TTC39A: variants seen among roughly 807,000 people sequenced by gnomAD.
The protein encoded by TTC39A is tetratricopeptide repeat protein 39A.
A neutral mutation model predicts 82.3 loss-of-function variants in TTC39A; 46 were observed. The observed-to-expected ratio is 0.56, with a 90% CI of 0.44 to 0.71. TTC39A has a LOEUF of 0.71. TTC39A is among the 30% of genes least tolerant of loss of function. TTC39A has a pLI of 0.00. For synonymous variants in TTC39A, 254 were observed against 275.2 expected (o/e 0.92, Z 0.76); for missense variants, 543 against 712.9 (o/e 0.76, Z 2.71).
At chr1:51,306,192 G>T in intron 6 of TTC39A, 116 bp from the exon 7 acceptor site, 2 of 759,694 alleles carry the variant, frequency 2.6e-6, no homozygotes, top group African/African-American at 1.7e-5. Flanking sequence ...ATACAGTTCT[G>T]GTAATCCTGA....
Position 51,294,345 on chromosome 1 carries a change from C to T in TTC39A, c.1266+46G>A, listed in dbSNP as rs745308090. On this transcript the variant is annotated intron_variant, in intron 14 of 17. Transcript: ENST00000680483. This position sits in a 1 kb window ranked among gnomAD's most constrained non-coding sequence, Gnocchi z 4.3. ...GGCTGTGGCTCTCAGTGAATCCCCA[C>T]AATCCTATACCCGGAGGGCAGCGCC... The T allele has an allele frequency of 6.2e-7, 1 of 1,612,292 alleles. No homozygotes were observed. Among genetic ancestry groups the T allele is most frequent in the East Asian group, 2.2e-5 (1 of 44,844 alleles).
chr1:51,339,387 C>A (rs576523756), intron 1 of TTC39A, among the ~76,000 whole-genome samples: 2 of 152,248 alleles, frequency 1.3e-5, no homozygotes, highest in African/African-American at 4.8e-5. Context: ...CTGCTGATCA[C>A]CTGGGAAAGA....
chr1:51,341,320 A>G (rs1336773022), intron 1 of TTC39A, among the ~76,000 whole-genome samples: 1 of 152,092 alleles, frequency 6.6e-6, no homozygotes, highest in Non-Finnish European at 1.5e-5. Flanking sequence ...TGAGTGGAGA[A>G]GCAGGTGAGC....
At chr1:51,324,100 G>A (rs1317683405) in intron 1 of TTC39A, among the ~76,000 whole-genome samples, 2 of 152,166 alleles carry the variant, frequency 1.3e-5, no homozygotes, top group Non-Finnish European at 2.9e-5. Context: ...GACCACAAAG[G>A]TAGTGGTGTG....
rs144609460 is a variant in TTC39A, at chr1:51,319,423, G to A, written c.146+2298C>T. On this transcript the variant is annotated intron_variant, in intron 2 of 17. Coordinates refer to ENST00000680483, the MANE Select transcript of TTC39A (RefSeq NM_001297663.2). ...AAAGCCCAGGAAAGGGAAACAAGACGGAACCATCGTACAAGAGCACTTCCC... is the reference window on the plus strand; with the variant it reads ...AAAGCCCAGGAAAGGGAAACAAGACAGAACCATCGTACAAGAGCACTTCCC... Among the ~76,000 whole-genome samples, 137 of 152,206 alleles carry A rather than the reference G, an allele frequency of 9.0e-4. 2 individuals are homozygous for A. The highest frequency in any genetic ancestry group is 3.1e-3 in the African/African-American group (127 of 41,562).
chr1:51,333,321 A>C (rs1456825219), upstream of TTC39A, among the ~76,000 whole-genome samples: 1 of 152,174 alleles, frequency 6.6e-6, no homozygotes, highest in Non-Finnish European at 1.5e-5. Context: ...CATCCCCAAG[A>C]TAATTCATTA....
At position 51,288,075 on chromosome 1, in the gene TTC39A, C is replaced by G. The variant is rs1644054169; in HGVS notation, c.*82G>C. On this transcript the variant is annotated 3_prime_UTR_variant, in exon 18 of 18. Transcript: ENST00000680483. This position sits in a 1 kb window ranked among gnomAD's most constrained non-coding sequence, Gnocchi z 4.8. ...GGTGGACCCCAAAGGCAGGGCAGGG[C>G]AGGGGGAGGGGGTATTTTGAAATGT... 6.4e-7 allele frequency: 1 copy of G among 1,561,376 alleles called. No individual in the cohort carries two copies. The highest frequency in any genetic ancestry group is 1.3e-5 in the African/African-American group (1 of 74,074).
At position 51,312,139 on chromosome 1, in the gene TTC39A, G is replaced by A. The variant is rs371247813; in HGVS notation, c.335C>T (p.Thr112Met). ...CACACCTTCAGTGAATTGGCCCAGC[G>A]TGGGGCGGTTCACCAGGCTGCTGAA... ...DSFSSLVNRP[T>M]LGQFTEEEIH... The change falls in exon 4 of 18, where the codon ACG becomes ATG. Residue 112 changes from threonine to methionine, a missense_variant. Transcript: ENST00000680483. The A allele has an allele frequency of 1.7e-5, 28 of 1,611,564 alleles. No homozygotes were observed. Among genetic ancestry groups the A allele is most frequent in the African/African-American group, 2.7e-5 (2 of 74,910 alleles).
Position 51,303,144 on chromosome 1 carries a change from G to C in TTC39A, c.703C>G (p.Arg235Gly), listed in dbSNP as rs1477925982. 6.3e-7 allele frequency: 1 copy of C among 1,587,940 alleles called. No homozygotes were observed. The highest frequency in any genetic ancestry group is 1.2e-5 in the South Asian group (1 of 86,740). ...LEEGASGHSFRSVLCVMLLLC... is the reference protein window; with the variant it reads ...LEEGASGHSFGSVLCVMLLLC... ...AGGAGCATGACACAGAGCACAGAGC[G>C]GAAGCTGTGCCCTGACGCTCCCTCC... The change falls in exon 9 of 18, where the codon CGC becomes GGC. Residue 235 changes from arginine to glycine, a missense_variant. Physicochemically the swap from Arg to Gly is moderately radical, Grantham distance 125. Transcript: ENST00000680483.
chr1:51,290,884 A>T (rs1158035189), intron 14 of TTC39A, among the ~76,000 whole-genome samples: 1 of 152,188 alleles, frequency 6.6e-6, no homozygotes, highest in Non-Finnish European at 1.5e-5. Context: ...TGCTGCTCAT[A>T]GCTGCCCAAG....
intron 2 of TTC39A, among the ~76,000 whole-genome samples, chr1:51,320,362 A>G (rs1247962592): frequency 1.3e-5 from 2 of 152,030 alleles, no homozygotes; most frequent in African/African-American, 2.4e-5. Flanking sequence ...AAGGTATAGT[A>G]AGGTAAATAC....
intron 5 of TTC39A, chr1:51,309,567 A>G (rs1645007194): frequency 1.2e-6 from 1 of 813,242 alleles, no homozygotes; most frequent in South Asian, 3.0e-5. Context: ...TGGAGGGGCC[A>G]CGCCCAGTGA....
In TTC39A at chr1:51,294,808, C is replaced by G. The variant is rs146860013; in HGVS notation, c.1146-297G>C. ...TGGGCCGGCCCTGCCTCCTAGTTAT[C>G]GCCTCCACTCCCAGGCTCCATTTCT... On this transcript the variant is annotated intron_variant, in intron 13 of 17. Transcript: ENST00000680483. This position sits in a 1 kb window ranked among gnomAD's most constrained non-coding sequence, Gnocchi z 4.3. Among the ~76,000 whole-genome samples the G allele has an allele frequency of 6.6e-6, 1 of 152,182 alleles. No homozygotes were observed. The highest frequency in any genetic ancestry group is 6.5e-5 in the Admixed American group (1 of 15,294).
rs1348112163 is a variant in TTC39A at position 51,288,118 on chromosome 1, A to G, written c.*39T>C. The G allele has an allele frequency of 1.9e-6, 3 of 1,612,974 alleles. No individual in the cohort carries two copies. The highest frequency in any genetic ancestry group is 2.2e-5 in the East Asian group (1 of 44,852). ...TGAAATGTTTTCAGGAGCTCTGTCC[A>G]GCTGTCTCTGTCTTCCAGCCCGGAA... On this transcript the variant is annotated 3_prime_UTR_variant, in exon 18 of 18. Coordinates refer to ENST00000680483, the MANE Select transcript of TTC39A (RefSeq NM_001297663.2). This position sits in a 1 kb window ranked among gnomAD's most constrained non-coding sequence, Gnocchi z 4.8.
At chr1:51,307,578 A>T (rs948451424) in intron 6 of TTC39A, among the ~76,000 whole-genome samples, 1 of 151,974 alleles carries the variant, frequency 6.6e-6, no homozygotes, top group Admixed American at 6.6e-5. Context: ...TACTAAAAAT[A>T]CAAAAAATTA....
chr1:51,296,224 C>T (rs532350765), intron 12 of TTC39A, 54 bp from the exon 13 acceptor site: 282 of 1,523,614 alleles, frequency 1.9e-4, no homozygotes, highest in Non-Finnish European at 2.5e-4. Context: ...CAGCCCCAGC[C>T]GGGCTGGAAT....
chr1:51,322,183 G>C, intron 1 of TTC39A: 1 of 1,532,586 alleles, frequency 6.5e-7, no homozygotes, highest in Non-Finnish European at 8.8e-7. Flanking sequence ...GCCCCCCCAG[G>C]GGGTGCAGCC....
At position 51,294,715 on chromosome 1, in the gene TTC39A, A is replaced by C. The variant is rs1644349922; in HGVS notation, c.1146-204T>G. Among the ~76,000 whole-genome samples the C allele has an allele frequency of 6.6e-6, 1 of 152,174 alleles. No homozygotes were observed. The highest frequency in any genetic ancestry group is 2.4e-5 in the African/African-American group (1 of 41,454). ...AGAGACCCTGCCCCAAGACCTGGCCACTTCCTATGGCTGGGCAAGGGGTTC... is the reference window on the plus strand; with the variant it reads ...AGAGACCCTGCCCCAAGACCTGGCCCCTTCCTATGGCTGGGCAAGGGGTTC... On this transcript the variant is annotated intron_variant, in intron 13 of 17. Coordinates refer to ENST00000680483, the MANE Select transcript of TTC39A (RefSeq NM_001297663.2). This position sits in a 1 kb window ranked among gnomAD's most constrained non-coding sequence, Gnocchi z 4.3.
chr1:51,304,854 C>A (rs1264777561), intron 8 of TTC39A, among the ~76,000 whole-genome samples: 2 of 152,222 alleles, frequency 1.3e-5, no homozygotes, highest in Non-Finnish European at 2.9e-5. Flanking sequence ...CCCACACCCA[C>A]CCAGAGCCTC....
Sources: allele counts gnomAD v4.1 joint callset (sites outside exome capture counted in the v4.1 genomes callset), GRCh38; gene constraint gnomAD v4.1.1; non-coding constraint Gnocchi (gnomAD v3.1); transcripts MANE v1.5; gene names NCBI Gene and HGNC (gene_info 2026-07-23, HGNC 2026-07-21).